CAST: variants seen among roughly 807,000 people sequenced by gnomAD.
CAST encodes the protein MIR583 host.
CAST carries 76 observed loss-of-function variants against 119.6 expected under a neutral mutation model. The observed-to-expected ratio is 0.64, with a 90% CI of 0.53 to 0.77. CAST has a LOEUF of 0.77. Among genes scored for constraint, CAST ranks in the 30% least tolerant of loss-of-function variants. The pLI, the probability that CAST is intolerant of heterozygous loss-of-function variation, is 0.00. For missense variants in CAST, 953 were observed against 946.5 expected (o/e 1.01, Z -0.09); for synonymous variants, 319 against 331.6 (o/e 0.96, Z 0.41).
At chr5:96,592,899 G>T (rs1225023779) in intron 1 of CAST, among the ~76,000 whole-genome samples, 1 of 152,022 alleles carries the variant, frequency 6.6e-6, no homozygotes, top group Non-Finnish European at 1.5e-5. Context: ...CAAGTAGCTG[G>T]GACTACAGGC....
chr5:96,364,161 A>C, the CAST span, among the ~76,000 whole-genome samples: 109,571 of 152,134 alleles, frequency 0.72, 40,717 homozygotes, highest in African/African-American at 0.91. Context: ...GTTGAAGCAG[A>C]CTTGCATCCC....
chr5:96,564,745 C>T (rs1746437904), intron 1 of CAST, among the ~76,000 whole-genome samples: 1 of 152,100 alleles, frequency 6.6e-6, no homozygotes, highest in South Asian at 2.1e-4. Flanking sequence ...GTGGTGAAAC[C>T]CCATCACTAC....
chr5:96,408,378 C>A, the CAST span: 82 of 1,297,514 alleles, frequency 6.3e-5, no homozygotes, highest in Admixed American at 1.4e-3. Context: ...GGAGTGTGGG[C>A]CTGTCTTGGG....
chr5:96,483,641 C>T, the CAST span, among the ~76,000 whole-genome samples: 2 of 152,026 alleles, frequency 1.3e-5, no homozygotes, highest in African/African-American at 4.8e-5. Flanking sequence ...TCTGATCTTT[C>T]ATTGTTTTTT....
chr5:96,106,602 T>C, the CAST span, among the ~76,000 whole-genome samples: 1 of 147,796 alleles, frequency 6.8e-6, no homozygotes, highest in East Asian at 2.0e-4. Context: ...TTGTTATAAT[T>C]TCTGTTCTTT....
chr5:96,587,032 C>A (rs1305963237), intron 1 of CAST, among the ~76,000 whole-genome samples: 1 of 152,144 alleles, frequency 6.6e-6, no homozygotes, highest in East Asian at 1.9e-4. Flanking sequence ...AAGTTTAAAG[C>A]CTCTGCTCTT....
the CAST span, among the ~76,000 whole-genome samples, chr5:96,132,240 C>T: frequency 6.6e-6 from 1 of 151,602 alleles, no homozygotes; most frequent in Non-Finnish European, 1.5e-5. Context: ...TGTTGAAAGC[C>T]TGCACTAGGG....
chr5:96,421,904 C>T, the CAST span: 29 of 1,574,566 alleles, frequency 1.8e-5, no homozygotes, highest in African/African-American at 2.8e-5. Flanking sequence ...GGGATCATAT[C>T]GGGGAAATGG....
At chr5:96,338,250 A>C in the CAST span, among the ~76,000 whole-genome samples, 4 of 152,204 alleles carry the variant, frequency 2.6e-5, no homozygotes, top group Non-Finnish European at 5.9e-5. Flanking sequence ...ATGCACTTCA[A>C]ATTTCAGTTT....
At chr5:96,745,162 T>A (rs7733682) in intron 16 of CAST, among the ~76,000 whole-genome samples, 3,607 of 152,120 alleles carry the variant, frequency 0.024, 146 homozygotes, top group African/African-American at 0.082. Context: ...ACCTGGGGAG[T>A]GCTGCTCCAT....
intron 1 of CAST, among the ~76,000 whole-genome samples, chr5:96,652,776 A>G (rs368502685): frequency 1.3e-5 from 2 of 152,260 alleles, no homozygotes; most frequent in Non-Finnish European, 1.5e-5. Flanking sequence ...TATCCCAGGA[A>G]AAACAGAGCT....
At chr5:96,504,869 C>G in the CAST span, among the ~76,000 whole-genome samples, 1 of 152,224 alleles carries the variant, frequency 6.6e-6, no homozygotes, top group African/African-American at 2.4e-5. Context: ...TGGAATAACA[C>G]AATATGTAGC....
At chr5:96,479,452 TA>T in the CAST span, among the ~76,000 whole-genome samples, 27,331 of 132,116 alleles carry the variant, frequency 0.21, 3,188 homozygotes, top group Middle Eastern at 0.3. Flanking sequence ...AGGCACTCCT[TA>T]TTTTTTTTTT....
At chr5:96,622,800 T>A (rs1310217690) in intron 1 of CAST, among the ~76,000 whole-genome samples, 1 of 151,618 alleles carries the variant, frequency 6.6e-6, no homozygotes, top group Non-Finnish European at 1.5e-5. Context: ...GTTTCTTACT[T>A]GCTATTCAAC....
chr5:96,027,050 A>G, the CAST span, among the ~76,000 whole-genome samples: 5 of 152,098 alleles, frequency 3.3e-5, no homozygotes, highest in African/African-American at 1.2e-4. Flanking sequence ...GTCTCTAAAA[A>G]AACCACAAAA....
chr5:96,301,516 T>G, the CAST span, among the ~76,000 whole-genome samples: 1 of 152,116 alleles, frequency 6.6e-6, no homozygotes, highest in Non-Finnish European at 1.5e-5. Context: ...ACAAGGCAAG[T>G]CTCTTCCACC....
intron 1 of CAST, among the ~76,000 whole-genome samples, chr5:96,583,215 CTT>C (rs202088988): frequency 2.1e-5 from 3 of 143,258 alleles, no homozygotes; most frequent in Admixed American, 7.0e-5. Flanking sequence ...TTCTCTTATT[CTT>C]TTTTTTTTTT....
the CAST span, among the ~76,000 whole-genome samples, chr5:96,238,619 C>T: frequency 6.7e-6 from 1 of 149,386 alleles, no homozygotes; most frequent in Non-Finnish European, 1.5e-5. Context: ...AGGCTGGTCT[C>T]GAACCTCTGA....
intron 20 of CAST, among the ~76,000 whole-genome samples, chr5:96,753,261 G>A (rs1266701380): frequency 6.6e-6 from 1 of 152,086 alleles, no homozygotes; most frequent in Non-Finnish European, 1.5e-5. Context: ...CTCCCAAAAT[G>A]CTGTGATGGA....
Sources: gnomAD v4.1 joint callset for allele counts (sites outside exome capture counted in the v4.1 genomes callset) on GRCh38, gnomAD v4.1.1 for gene constraint, MANE v1.5 for transcripts, NCBI Gene and HGNC (gene_info 2026-07-23, HGNC 2026-07-21) for gene names.